PAPPA: variants seen among roughly 807,000 people sequenced by gnomAD.
PAPPA encodes the protein pappalysin-1.
Under a neutral mutation model 164.0 loss-of-function variants are expected in PAPPA, and 60 were observed. That is an observed-to-expected ratio of 0.37 (90% CI 0.30 to 0.45). PAPPA has a LOEUF of 0.45. PAPPA is among the 20% of genes least tolerant of loss of function. The probability of loss-of-function intolerance (pLI) is 1.00; values close to 1 mark genes in which losing one functional copy is unlikely to be tolerated. For synonymous variants in PAPPA, 875 were observed against 814.1 expected, an observed-to-expected ratio of 1.07 and a Z score of -1.27; for missense variants, 1,782 against 2,087.3, an observed-to-expected ratio of 0.85 and a Z score of 2.85.
intron 1 of PAPPA, among the ~76,000 whole-genome samples, chr9:116,160,654 G>C (rs1475031577): frequency 6.6e-6 from 1 of 152,152 alleles, no homozygotes; most frequent in Non-Finnish European, 1.5e-5. Context: ...GTGGCTGAGG[G>C]CTCGGGAATC....
intron 1 of PAPPA, among the ~76,000 whole-genome samples, chr9:116,186,497 T>C (rs983981721): frequency 6.6e-6 from 1 of 152,130 alleles, no homozygotes; most frequent in Admixed American, 6.5e-5. Flanking sequence ...TGGGGATAAA[T>C]GGCAAGATTC....
At chr9:116,345,861 T>C (rs1846200669) in intron 14 of PAPPA, among the ~76,000 whole-genome samples, 1 of 152,148 alleles carries the variant, frequency 6.6e-6, no homozygotes, top group Non-Finnish European at 1.5e-5. Flanking sequence ...TGGGACAGGT[T>C]GTCCTGGGAT....
intron 21 of PAPPA, among the ~76,000 whole-genome samples, chr9:116,392,568 C>T (rs1846908300): frequency 6.6e-6 from 1 of 152,192 alleles, no homozygotes; most frequent in African/African-American, 2.4e-5. Context: ...CAGGTGTCCC[C>T]AAGTCCTTTC....
intron 21 of PAPPA, among the ~76,000 whole-genome samples, chr9:116,394,247 C>G (rs957480725): frequency 6.6e-6 from 1 of 152,092 alleles, no homozygotes; most frequent in African/African-American, 2.4e-5. Flanking sequence ...AGGGAGAAAT[C>G]TGATTCAGCA....
chr9:116,210,030 T>A (rs1028519060), intron 3 of PAPPA, among the ~76,000 whole-genome samples: 1 of 152,126 alleles, frequency 6.6e-6, no homozygotes, highest in Non-Finnish European at 1.5e-5. Context: ...CCCCTCTTTT[T>A]CTGCTATTAC....
At chr9:116,266,387 A>G (rs771039139) in intron 8 of PAPPA, among the ~76,000 whole-genome samples, 4 of 152,364 alleles carry the variant, frequency 2.6e-5, no homozygotes, top group African/African-American at 4.8e-5. Flanking sequence ...GCTGGTTACC[A>G]TTCACATTTA....
rs1317596222 is a variant in PAPPA, at chr9:116,398,758, T to C, written c.*2142T>C. ...CACAGTTGTTAAGAATAATCCTCTA[T>C]GTTTCTTCCTCACAAAACCATATCT... On this transcript the variant is annotated 3_prime_UTR_variant, in exon 22 of 22. Coordinates refer to ENST00000328252, the MANE Select transcript of PAPPA (RefSeq NM_002581.5). The C allele has an allele frequency of 2.2e-6, 1 of 448,254 alleles. No homozygotes were observed. The allele number at this position is 448,254 out of a possible 1,614,324, so 27.8% of individuals were successfully genotyped here.
intron 10 of PAPPA, among the ~76,000 whole-genome samples, chr9:116,314,840 C>G (rs557923305): frequency 1.3e-5 from 2 of 152,332 alleles, no homozygotes; most frequent in Admixed American, 1.3e-4. Context: ...TGAGCAGCCT[C>G]CCTCTTCCAT....
chr9:116,346,932 C>A, intron 14 of PAPPA, 94 bp from the exon 15 acceptor site: 2 of 1,016,924 alleles, frequency 2.0e-6, no homozygotes, highest in Non-Finnish European at 2.9e-6. Flanking sequence ...AGTGCCTGGG[C>A]GAGACTCTGA....
At chr9:116,389,764 AC>A (rs1846865568) in intron 21 of PAPPA, among the ~76,000 whole-genome samples, 1 of 148,224 alleles carries the variant, frequency 6.7e-6, no homozygotes, top group African/African-American at 2.5e-5. Context: ...TGACCACCCA[AC>A]CCACATCACC....
At chr9:116,320,952 G>T (rs1845847255) in intron 10 of PAPPA, among the ~76,000 whole-genome samples, 1 of 152,144 alleles carries the variant, frequency 6.6e-6, no homozygotes, top group African/African-American at 2.4e-5. Flanking sequence ...TGAACCTGAA[G>T]TTGGAAGATT....
chr9:116,244,554 T>C (rs528244884), intron 7 of PAPPA, among the ~76,000 whole-genome samples: 18 of 152,296 alleles, frequency 1.2e-4, no homozygotes, highest in African/African-American at 3.8e-4. Context: ...AAGAGTATTA[T>C]TTCAAGAGGT....
In PAPPA at chr9:116,344,537, C is replaced by T. The variant is rs373885499; in HGVS notation, c.3612-6C>T. On this transcript the variant is annotated splice_region_variant and splice_polypyrimidine_tract_variant and intron_variant, in intron 13 of 21. Transcript: ENST00000328252. Reference sequence around the variant, plus strand: ...TCCTTCTTCCCCTCGTTTCTTTCCTCCCCAGCTGCGTGCACTTCGCATGTG... The same window carrying T: ...TCCTTCTTCCCCTCGTTTCTTTCCTTCCCAGCTGCGTGCACTTCGCATGTG... 70 of 1,609,184 alleles carry T rather than the reference C, an allele frequency of 4.4e-5. No individual in the cohort carries two copies. The African/African-American group carries it at 8.0e-4, about 18-fold the overall frequency.
chr9:116,197,080 C>A (rs1844114425), intron 2 of PAPPA, among the ~76,000 whole-genome samples: 1 of 152,208 alleles, frequency 6.6e-6, no homozygotes, highest in African/African-American at 2.4e-5. Context: ...TGACTAGATT[C>A]TTCCAGGAAC....
At chr9:116,378,240 T>C (rs1178952944) in intron 20 of PAPPA, among the ~76,000 whole-genome samples, 1 of 152,176 alleles carries the variant, frequency 6.6e-6, no homozygotes, top group Non-Finnish European at 1.5e-5. Context: ...TCCTTACAGC[T>C]TGGAATTATA....
rs190960641 is a variant in PAPPA, at chr9:116,163,213, A to G, written c.415+8626A>G. ...GGAGACAGACTATAAATGAATAAGC[A>G]TATATATCCCATAATGTCAGGTGAA... On this transcript the variant is annotated intron_variant, in intron 1 of 21. Coordinates refer to ENST00000328252, the MANE Select transcript of PAPPA (RefSeq NM_002581.5). Among the ~76,000 whole-genome samples, 399 of 152,332 alleles carry G rather than the reference A, an allele frequency of 2.6e-3. 2 individuals carry two copies. The highest frequency in any genetic ancestry group is 2.9e-3 in the Non-Finnish European group (197 of 68,036).
rs141909455 is a variant in PAPPA, at chr9:116,187,254, C to T, written c.516C>T (p.Phe172=). 1.5e-5 allele frequency: 25 copies of T among 1,614,180 alleles called. No homozygotes were observed. The African/African-American group carries it at 2.8e-4, about 18-fold the overall frequency. ...DQDNKDPRYF[F]SLKTDRARQV... ...ACAACAAAGACCCACGCTACTTTTT[C>T]TCCTTGAAGACAGACCGAGCCCGGC... The change falls in exon 2 of 22, where the codon TTC becomes TTT. Residue 172 remains phenylalanine (F), a synonymous_variant. Transcript: ENST00000328252. The surrounding 1 kb of genome is among the most constrained non-coding windows in gnomAD (Gnocchi z 4.2).
chr9:116,285,508 C>A (rs1330314750), intron 9 of PAPPA, among the ~76,000 whole-genome samples: 1 of 152,110 alleles, frequency 6.6e-6, no homozygotes, highest in Non-Finnish European at 1.5e-5. Flanking sequence ...CTCACAGTGT[C>A]CCCCTGCTGG....
At chr9:116,272,342 G>T (rs917742288) in intron 9 of PAPPA, among the ~76,000 whole-genome samples, 1 of 152,212 alleles carries the variant, frequency 6.6e-6, no homozygotes, top group African/African-American at 2.4e-5. Context: ...GAAGAGAGAA[G>T]GGGCAGTTAC....
Sources: allele counts gnomAD v4.1 joint callset (sites outside exome capture counted in the v4.1 genomes callset), GRCh38; gene constraint gnomAD v4.1.1; non-coding constraint Gnocchi (gnomAD v3.1); transcripts MANE v1.5; gene names NCBI Gene and HGNC (gene_info 2026-07-23, HGNC 2026-07-21).